The following DMWD variants were observed in gnomAD, a reference collection of about 807,000 sequenced individuals.
DMWD encodes dystrophia myotonica WD repeat-containing protein.
DMWD carries 19 observed loss-of-function variants against 45.8 expected under a neutral mutation model. The observed-to-expected ratio is 0.41, with a 90% confidence interval of 0.29 to 0.61. DMWD has a LOEUF of 0.61. Among genes scored for constraint, DMWD ranks in the 20% least tolerant of loss-of-function variants. The pLI is 0.25. For missense variants in DMWD, 802 were observed against 965.2 expected (o/e 0.83, Z 2.24); for synonymous variants, 515 against 440.5 (o/e 1.17, Z -2.12).
In DMWD at chr19:45,785,744, G is replaced by T; in HGVS notation, c.1752C>A (p.Cys584Ter). Reference sequence around the variant, plus strand: ...GCAGGGGCACCTCGTGGATGCGCGGGCACAGCGCAGTGCCCAGCACCTTGG... The same window carrying T: ...GCAGGGGCACCTCGTGGATGCGCGGTCACAGCGCAGTGCCCAGCACCTTGG... ...DPAKVLGTAL[C>*]PRIHEVPLLE... Residue 584 changes from cysteine (C) to a stop codon, truncating the protein, a stop_gained, in exon 3 of 5, where the codon TGC becomes TGA. Coordinates refer to ENST00000270223, the MANE Select transcript of DMWD (RefSeq NM_004943.2). LOFTEE classifies it high-confidence loss of function. 6.2e-7 allele frequency: 1 copy of T among 1,609,116 alleles called. No homozygotes were observed. Among genetic ancestry groups the T allele is most frequent in the Non-Finnish European group, 8.5e-7 (1 of 1,177,372 alleles).
In DMWD at chr19:45,785,939, G is replaced by GC; in HGVS notation, c.1556dup (p.Ser519ArgfsTer173). ...GTGTGAGCGTGGCGAAGCGGCCAAT[G>GC]CTGAATGGTGTGCCAGGCTCTGCCG... is the stretch of plus-strand genomic sequence containing the variant. On this transcript the variant is annotated frameshift_variant, in exon 3 of 5. Transcript: ENST00000270223. LOFTEE classifies it high-confidence loss of function. 1 of 1,597,458 alleles carries GC rather than the reference G, an allele frequency of 6.3e-7. No individual in the cohort carries two copies. The highest frequency in any genetic ancestry group is 8.5e-7 in the Non-Finnish European group (1 of 1,176,168).
In DMWD at chr19:45,786,147, A is replaced by G; in HGVS notation, c.1349T>C (p.Leu450Pro). 1 of 1,558,190 alleles carries G rather than the reference A, an allele frequency of 6.4e-7. No homozygotes were observed. Among genetic ancestry groups the G allele is most frequent in the Non-Finnish European group, 8.7e-7 (1 of 1,151,706 alleles). Residue 450 changes from leucine to proline, a missense_variant, in exon 3 of 5, where the codon CTC (leucine) becomes CCC (proline). Physicochemically the swap from Leu to Pro is moderately conservative, Grantham distance 98. This residue lies in a region of DMWD where 303 missense variants were observed against 332.9 expected (regional missense o/e 0.91). Coordinates refer to ENST00000270223, the MANE Select transcript of DMWD (RefSeq NM_004943.2). The part of the protein sequence containing the change: ...FCLWDLTEDV[L>P]YPHPPLARTR... ...GCGGGCCAGGGGGGGGTGCGGGTAGAGCACGTCTTCAGTGAGGTCCCACAG... is the reference window on the plus strand; with the variant it reads ...GCGGGCCAGGGGGGGGTGCGGGTAGGGCACGTCTTCAGTGAGGTCCCACAG...
rs769207430 is a variant in DMWD at position 45,792,436 on chromosome 19, G to A, written c.321C>T (p.Ala107=). Residue 107 remains alanine, a synonymous_variant, in exon 1 of 5, where the codon GCC becomes GCT. Coordinates refer to ENST00000270223, the MANE Select transcript of DMWD (RefSeq NM_004943.2). ...GCGTGGCGGGCGGCTCCCCGGCCCC[G>A]GCGCTGTCCGGCTCCCCGAGGCGCA... ...SLVRLGEPDS[A]GAGEPPATPA... The A allele has an allele frequency of 3.3e-6, 5 of 1,525,302 alleles. No individual in the cohort carries two copies. The South Asian group carries it at 6.0e-5, about 18-fold the overall frequency. The allele number at this position is 1,525,302 out of a possible 1,614,324, so 94.5% of individuals were successfully genotyped here. A position where few individuals can be genotyped will look rare whatever the true frequency, so the allele number is the denominator to read the frequency against.
chr19:45,787,777 C>T (rs1330789075), intron 2 of DMWD, among the ~76,000 whole-genome samples: 1 of 152,196 alleles, frequency 6.6e-6, no homozygotes. Flanking sequence ...TCAAAATACA[C>T]CCAGAAGTGG....
rs917964103 is a variant in DMWD at position 45,786,056 on chromosome 19, C to A, written c.1440G>T (p.Glu480Asp). The A allele has an allele frequency of 2.4e-5, 36 of 1,522,576 alleles. No homozygotes were observed. The highest frequency in any genetic ancestry group is 2.8e-5 in the African/African-American group (2 of 72,544). 94.3% of individuals were successfully genotyped at this position (1,522,576 alleles called of 1,614,324 possible). The change falls in exon 3 of 5, where the codon GAG becomes GAT. Residue 480 changes from glutamate to aspartate, a missense_variant. By Grantham distance (45) the Glu-to-Asp change is conservative. Transcript: ENST00000270223. ...AGCGAGGCAGGGGGCCTGGGCCAGG[C>A]TCGCCACCCCTCGAGCTGCTGGCGG... is the stretch of plus-strand genomic sequence containing the variant. The part of the protein sequence containing the change: ...PPAASSSRGG[E>D]PGPGPLPRSL...
intron 3 of DMWD, among the ~76,000 whole-genome samples, chr19:45,785,067 G>A (rs1283322379): frequency 6.6e-6 from 1 of 152,154 alleles, no homozygotes; most frequent in Non-Finnish European, 1.5e-5. Flanking sequence ...GGTCAGAGGG[G>A]GCAGTGACTT....
chr19:45,788,946 A>T (rs948433750), intron 2 of DMWD, among the ~76,000 whole-genome samples: 1 of 151,846 alleles, frequency 6.6e-6, no homozygotes, highest in Non-Finnish European at 1.5e-5. Flanking sequence ...AAAAAAAAAA[A>T]AATGCCCTTC....
At chr19:45,787,537 C>T (rs921700128) in intron 2 of DMWD, among the ~76,000 whole-genome samples, 6 of 152,200 alleles carry the variant, frequency 3.9e-5, no homozygotes, top group Admixed American at 1.3e-4. Flanking sequence ...ATCTTTACTA[C>T]GTCAGGCTTC....
At position 45,787,304 on chromosome 19, in the gene DMWD, G is replaced by A. The variant is rs531282927; in HGVS notation, c.625-433C>T. Reference sequence around the variant, plus strand: ...GAGCCCAGCCTCCTACCGGAGCAGCGCACCATTCAATCCTCGTAAGAGTGC... The same window carrying A: ...GAGCCCAGCCTCCTACCGGAGCAGCACACCATTCAATCCTCGTAAGAGTGC... On this transcript the variant is annotated intron_variant, in intron 2 of 4. Coordinates refer to ENST00000270223, the MANE Select transcript of DMWD (RefSeq NM_004943.2). The A allele has an allele frequency of 1.6e-4, 39 of 244,470 alleles. 1 individual carries two copies. The highest frequency in any genetic ancestry group is 2.9e-4 in the Non-Finnish European group (36 of 123,596). 15.1% of individuals were successfully genotyped at this position (244,470 alleles called of 1,614,324 possible). A position where few individuals can be genotyped will look rare whatever the true frequency, so the allele number is the denominator to read the frequency against.
intron 2 of DMWD, 123 bp from the exon 3 acceptor site, chr19:45,786,994 C>T: frequency 1.4e-6 from 2 of 1,472,376 alleles, no homozygotes; most frequent in South Asian, 1.4e-5. Context: ...GGTGCCACAC[C>T]AGGCCCAGGT....
At chr19:45,790,744 A>G (rs750147569) in intron 2 of DMWD, 161 bp downstream of exon 2, 2 of 707,328 alleles carry the variant, frequency 2.8e-6, no homozygotes, top group Non-Finnish European at 4.6e-6. Flanking sequence ...GCCTGGGTAC[A>G]GTAAAGGCAG....
intron 2 of DMWD, among the ~76,000 whole-genome samples, chr19:45,788,861 G>A (rs1015788146): frequency 3.9e-5 from 6 of 151,916 alleles, no homozygotes; most frequent in East Asian, 1.9e-4. Flanking sequence ...CCTGGGAGGC[G>A]GAGGTTGCAG....
At position 45,785,948 on chromosome 19, in the gene DMWD, T is replaced by C; in HGVS notation, c.1548A>G (p.Thr516=). 3 of 1,591,060 alleles carry C rather than the reference T, an allele frequency of 1.9e-6. No homozygotes were observed. The highest frequency in any genetic ancestry group is 2.3e-5 in the East Asian group (1 of 44,412). Residue 516 remains threonine, a synonymous_variant, in exon 3 of 5, where the codon ACA becomes ACG. Coordinates refer to ENST00000270223, the MANE Select transcript of DMWD (RefSeq NM_004943.2). The part of the protein sequence containing the change: ...GGPGVAAEPG[T]PFSIGRFATL... ...TGGCGAAGCGGCCAATGCTGAATGGTGTGCCAGGCTCTGCCGCCACACCCG... is the reference window on the plus strand; with the variant it reads ...TGGCGAAGCGGCCAATGCTGAATGGCGTGCCAGGCTCTGCCGCCACACCCG...
chr19:45,787,475 T>A (rs1970297073), intron 2 of DMWD, among the ~76,000 whole-genome samples: 1 of 152,178 alleles, frequency 6.6e-6, no homozygotes, highest in South Asian at 2.1e-4. Flanking sequence ...ATAAGACCAG[T>A]CCCTGGTGCC....
rs1970368888 is a variant in DMWD, at chr19:45,792,586, C to T, written c.171G>A (p.Gln57=). 1.5e-6 allele frequency: 2 copies of T among 1,292,604 alleles called. No individual in the cohort carries two copies. The highest frequency in any genetic ancestry group is 1.6e-5 in the African/African-American group (1 of 64,360). 80.1% of individuals were successfully genotyped at this position (1,292,604 alleles called of 1,614,324 possible). ...CAGGGCCGGGCGGGGGCTGCGGTGG[C>T]TGAGGCGGCACCGGAGTCTGGGCGG... The part of the protein sequence containing the change: ...PASAQTPVPP[Q]PPQPPPGPAS... Residue 57 remains glutamine, a synonymous_variant, in exon 1 of 5, where the codon CAG becomes CAA. Coordinates refer to ENST00000270223, the MANE Select transcript of DMWD (RefSeq NM_004943.2).
In DMWD at chr19:45,785,861, G is replaced by T. The variant is rs1365378277; in HGVS notation, c.1635C>A (p.Ser545Arg). The T allele has an allele frequency of 6.2e-7, 1 of 1,608,012 alleles. No homozygotes were observed. Among genetic ancestry groups the T allele is most frequent in the Non-Finnish European group, 8.5e-7 (1 of 1,179,762 alleles). Reference protein sequence around the residue: ...GAEKEHKRYHSLGNISRGGSG... With the variant: ...GAEKEHKRYHRLGNISRGGSG... ...TGCCACCCCGGCTGATGTTGCCCAG[G>T]CTGTGGTAGCGCTTGTGCTCCTTCT... is the stretch of plus-strand genomic sequence containing the variant. Residue 545 changes from serine (S) to arginine (R), a missense_variant, in exon 3 of 5, where the codon AGC becomes AGA. Coordinates refer to ENST00000270223, the MANE Select transcript of DMWD (RefSeq NM_004943.2).
In DMWD at chr19:45,792,697, C is replaced by T. The variant is rs1004938085; in HGVS notation, c.60G>A (p.Ala20=). The change falls in exon 1 of 5, where the codon GCG becomes GCA. Residue 20 remains alanine (A), a synonymous_variant. Transcript: ENST00000270223. ...GCGTGCGGAATTGCGACTTAATCTC[C>T]GCGCAGTCCCCCATGGCGGCGCCGG... ...SGPGAAMGDC[A]EIKSQFRTRE... is the part of the protein sequence containing the mutation. The T allele has an allele frequency of 1.3e-5, 17 of 1,266,474 alleles. No individual in the cohort carries two copies. In the African/African-American group the frequency reaches 2.5e-4, roughly 18 times the overall value. The allele number at this position is 1,266,474 out of a possible 1,614,324, so 78.5% of individuals were successfully genotyped here. A position where few individuals can be genotyped will look rare whatever the true frequency, so the allele number is the denominator to read the frequency against.
intron 1 of DMWD, 74 bp downstream of exon 1, chr19:45,792,242 C>T (rs1970364395): frequency 1.3e-6 from 2 of 1,517,088 alleles, no homozygotes; most frequent in East Asian, 5.3e-5. Flanking sequence ...CATATCAATT[C>T]GGGGACCCTC....
rs1181319678 is a variant in DMWD, at chr19:45,783,469, T to A, written c.*774A>T. The A allele has an allele frequency of 2.5e-6, 1 of 397,948 alleles. No individual in the cohort carries two copies. The highest frequency in any genetic ancestry group is 4.4e-6 in the Non-Finnish European group (1 of 225,982). The allele number at this position is 397,948 out of a possible 1,614,324, so 24.7% of individuals were successfully genotyped here. ...GATAATTTAAAAAACACCGAGGACT[T>A]TGATGAGGGGCCCTGGCTGCGGGCA... On this transcript the variant is annotated 3_prime_UTR_variant, in exon 5 of 5. Coordinates refer to ENST00000270223, the MANE Select transcript of DMWD (RefSeq NM_004943.2).
Sources: gnomAD v4.1 joint callset for allele counts (sites outside exome capture counted in the v4.1 genomes callset) on GRCh38, gnomAD v4.1.1 for gene constraint, gnomAD v4.1.1 regional missense constraint, MANE v1.5 for transcripts, NCBI Gene and HGNC (gene_info 2026-07-23, HGNC 2026-07-21) for gene names.